The following WDR43 variants were observed in gnomAD, a reference collection of about 807,000 sequenced individuals.
WDR43 encodes the protein WD repeat-containing protein 43.
In WDR43, 13 loss-of-function variants were observed where a neutral mutation model predicts 91.4. That is an observed-to-expected ratio of 0.14 (90% CI 0.09 to 0.23). The LOEUF is 0.23. Ranked by LOEUF, WDR43 falls within the 10% of genes least tolerant of loss-of-function variation. The pLI is 1.00. For synonymous variants in WDR43, 331 were observed against 287.9 expected (o/e 1.15, Z -1.51); for missense variants, 780 against 809.4 (o/e 0.96, Z 0.44).
intron 4 of WDR43, 64 bp from the exon 5 acceptor site, chr2:28,914,005 T>C (rs1254929657): frequency 1.9e-6 from 3 of 1,583,158 alleles, no homozygotes; most frequent in Admixed American, 1.7e-5. Flanking sequence ...TTTGATAATA[T>C]ATACTATTAA....
chr2:28,906,424 C>G (rs1454602036), intron 2 of WDR43, 36 bp from the exon 3 acceptor site: 1 of 1,511,492 alleles, frequency 6.6e-7, no homozygotes. Flanking sequence ...GAGTTTGAGA[C>G]CAGCCTTAAA....
intron 10 of WDR43, 42 bp downstream of exon 10, chr2:28,927,742 A>C: frequency 1.2e-6 from 2 of 1,608,884 alleles, no homozygotes; most frequent in Non-Finnish European, 1.7e-6. Context: ...TTTGTGATTT[A>C]AAATTACTGG....
At chr2:28,900,029 G>A (rs1033151555) in intron 1 of WDR43, among the ~76,000 whole-genome samples, 1 of 152,130 alleles carries the variant, frequency 6.6e-6, no homozygotes, top group East Asian at 1.9e-4. Flanking sequence ...CATAGGCTAT[G>A]TAAATTTCTA....
chr2:28,924,920 CAG>C, intron 7 of WDR43, 60 bp from the exon 8 acceptor site: 1 of 1,557,676 alleles, frequency 6.4e-7, no homozygotes, highest in African/African-American at 1.4e-5. Context: ...ATGTCAGTTC[CAG>C]AGAGTTAGTA....
chr2:28,929,857 T>C (rs975699216), intron 11 of WDR43, 147 bp downstream of exon 11: 5 of 867,684 alleles, frequency 5.8e-6, no homozygotes, highest in Non-Finnish European at 8.9e-6. Flanking sequence ...CATGTATCAC[T>C]TGGTGGCATT....
intron 6 of WDR43, among the ~76,000 whole-genome samples, chr2:28,920,658 G>A (rs1377156535): frequency 1.3e-5 from 2 of 152,016 alleles, no homozygotes; most frequent in East Asian, 3.9e-4. Flanking sequence ...TCTATGTAGA[G>A]AATAGACTGA....
At position 28,894,709 on chromosome 2, in the gene WDR43, G is replaced by A. The variant is rs1454770536; in HGVS notation, c.11G>A (p.Gly4Asp). The A allele has an allele frequency of 6.4e-7, 1 of 1,560,252 alleles. No individual in the cohort carries two copies. The highest frequency in any genetic ancestry group is 1.9e-5 in the Admixed American group (1 of 51,742). The change falls in exon 1 of 18, where the codon GGC (glycine) becomes GAC (aspartate). Residue 4 changes from glycine (G) to aspartate (D), a missense_variant. This residue lies in a region of WDR43 where 175 missense variants were observed against 113.8 expected (regional missense o/e 1.54). Coordinates refer to ENST00000407426, the MANE Select transcript of WDR43 (RefSeq NM_015131.3). MAA[G>D]GGGSCDPLAP... ...GGGGCCAGAGCAGCAATGGCGGCGG[G>A]CGGCGGCGGTAGCTGCGACCCCCTG...
intron 15 of WDR43, 109 bp from the exon 16 acceptor site, chr2:28,942,203 T>G: frequency 2.0e-6 from 2 of 1,005,496 alleles, no homozygotes; most frequent in Non-Finnish European, 3.0e-6. Flanking sequence ...ATTATGGTGG[T>G]GGAGGGTGAG....
At chr2:28,903,684 T>C (rs1279412881) in intron 2 of WDR43, among the ~76,000 whole-genome samples, 1 of 152,150 alleles carries the variant, frequency 6.6e-6, no homozygotes, top group Non-Finnish European at 1.5e-5. Flanking sequence ...TCAGGTGAGC[T>C]CTTACACCTA....
chr2:28,900,372 C>A (rs928995089), intron 1 of WDR43, among the ~76,000 whole-genome samples: 3 of 151,970 alleles, frequency 2.0e-5, no homozygotes, highest in African/African-American at 7.3e-5. Context: ...TTAGTAGAGA[C>A]GGGGTTTCAC....
intron 3 of WDR43, among the ~76,000 whole-genome samples, chr2:28,911,644 T>G (rs1402661092): frequency 2.0e-5 from 3 of 151,170 alleles, no homozygotes; most frequent in Non-Finnish European, 3.0e-5. Flanking sequence ...TTGCCTTTTT[T>G]TTTTGGAGAC....
intron 14 of WDR43, among the ~76,000 whole-genome samples, chr2:28,940,291 A>G (rs1341366906): frequency 6.6e-6 from 1 of 151,218 alleles, no homozygotes; most frequent in East Asian, 2.0e-4. Flanking sequence ...GTGCAATGGC[A>G]CGATCTTGGC....
intron 14 of WDR43, 80 bp from the exon 15 acceptor site, chr2:28,941,381 C>T: frequency 9.2e-7 from 1 of 1,087,688 alleles, no homozygotes; most frequent in Admixed American, 2.1e-5. Flanking sequence ...TGGCTAAATA[C>T]TGAGGCATAG....
At chr2:28,925,202 A>C in intron 8 of WDR43, 49 bp downstream of exon 8, 1 of 1,467,806 alleles carries the variant, frequency 6.8e-7, no homozygotes, top group Non-Finnish European at 9.1e-7. Context: ...CCCTGTGTCC[A>C]TGGAAGAGAG....
At chr2:28,912,768 C>T (rs1670827701) in intron 4 of WDR43, 58 bp downstream of exon 4, 16 of 1,590,720 alleles carry the variant, frequency 1.0e-5, no homozygotes, top group Non-Finnish European at 1.4e-5. Flanking sequence ...CAGAGAAAGG[C>T]AGAAGTTTGA....
chr2:28,923,868 G>A (rs1009549485), intron 7 of WDR43, among the ~76,000 whole-genome samples: 2 of 152,098 alleles, frequency 1.3e-5, no homozygotes, highest in South Asian at 2.1e-4. Flanking sequence ...CTGGGCAGTG[G>A]CAAACCATTG....
Position 28,935,615 on chromosome 2 carries a change from A to T in WDR43, c.1524+8A>T. 1 of 1,562,448 alleles carries T rather than the reference A, an allele frequency of 6.4e-7. No individual in the cohort carries two copies. Among genetic ancestry groups the T allele is most frequent in the Non-Finnish European group, 8.7e-7 (1 of 1,153,730 alleles). On this transcript the variant is annotated splice_region_variant and intron_variant, in intron 12 of 17. Coordinates refer to ENST00000407426, the MANE Select transcript of WDR43 (RefSeq NM_015131.3). ...ATTCCGTTGTTACAAGAGGTAACTG[A>T]CTGCTTTTTTCATTTCAGCATCCTA...
chr2:28,908,892 A>G (rs888940869), intron 3 of WDR43, among the ~76,000 whole-genome samples: 1 of 152,126 alleles, frequency 6.6e-6, no homozygotes, highest in African/African-American at 2.4e-5. Flanking sequence ...TGACTAGTTA[A>G]TTATTGTTAC....
intron 6 of WDR43, among the ~76,000 whole-genome samples, chr2:28,921,131 ATTTT>A (rs35903168): frequency 6.8e-6 from 1 of 147,672 alleles, no homozygotes; most frequent in African/African-American, 2.5e-5. Flanking sequence ...TTTAAAAAAA[ATTTT>A]TTTTTTTTTT....
Sources: gnomAD v4.1 joint callset for allele counts (sites outside exome capture counted in the v4.1 genomes callset) on GRCh38, gnomAD v4.1.1 for gene constraint, gnomAD v4.1.1 regional missense constraint, MANE v1.5 for transcripts, NCBI Gene and HGNC (gene_info 2026-07-23, HGNC 2026-07-21) for gene names.